The following C6orf132 variants were observed in gnomAD, a reference collection of about 807,000 sequenced individuals.
C6orf132 encodes uncharacterized protein C6orf132.
A neutral mutation model predicts 65.3 loss-of-function variants in C6orf132; 43 were observed. The observed-to-expected ratio is 0.66, with a 90% confidence interval of 0.52 to 0.85. The LOEUF is 0.85. Ranked by LOEUF, C6orf132 falls within the 40% of genes least tolerant of loss-of-function variation. C6orf132 has a pLI of 0.00. For synonymous variants in C6orf132, 631 were observed against 654.1 expected, an observed-to-expected ratio of 0.96 and a Z score of 0.54; for missense variants, 1,488 against 1,548.8, an observed-to-expected ratio of 0.96 and a Z score of 0.66.
intron 3 of C6orf132, among the ~76,000 whole-genome samples, chr6:42,108,598 T>C (rs1013359752): frequency 1.3e-5 from 2 of 152,148 alleles, no homozygotes; most frequent in African/African-American, 4.8e-5. Flanking sequence ...AACCCAGCTG[T>C]CCACTTCATA....
At chr6:42,123,528 G>A (rs1298152716) in intron 2 of C6orf132, among the ~76,000 whole-genome samples, 1 of 151,438 alleles carries the variant, frequency 6.6e-6, no homozygotes, top group Non-Finnish European at 1.5e-5. Context: ...GGGAGGTGGA[G>A]GAGGAGGAGG....
Position 42,103,483 on chromosome 6 carries a change from C to T in C6orf132, c.*278G>A. 1 of 390,440 alleles carries T rather than the reference C, an allele frequency of 2.6e-6. No individual in the cohort carries two copies. Among genetic ancestry groups the T allele is most frequent in the Non-Finnish European group, 4.5e-6 (1 of 221,686 alleles). The allele number at this position is 390,440 out of a possible 1,614,324, so 24.2% of individuals were successfully genotyped here. A position where few individuals can be genotyped will look rare whatever the true frequency, so the allele number is the denominator to read the frequency against. On this transcript the variant is annotated 3_prime_UTR_variant, in exon 5 of 5. Coordinates refer to ENST00000341865, the MANE Select transcript of C6orf132 (RefSeq NM_001164446.3). ...AGTACCAGAGAGCAGAAACTCAGCG[C>T]CCAGGTCCTTAATGGTTCCTTCTCT...
chr6:42,129,551 A>G (rs1582282327), intron 1 of C6orf132, among the ~76,000 whole-genome samples: 1 of 152,222 alleles, frequency 6.6e-6, no homozygotes, highest in African/African-American at 2.4e-5. Context: ...CCCTGTAGGA[A>G]GATGATATGA....
At chr6:42,140,013 C>T (rs1276603201) in intron 1 of C6orf132, among the ~76,000 whole-genome samples, 5 of 152,186 alleles carry the variant, frequency 3.3e-5, no homozygotes, top group Admixed American at 2.6e-4. Context: ...CAACACTGGT[C>T]CCTCCTCTCC....
rs1187939435 is a variant in C6orf132 at position 42,107,229 on chromosome 6, G to A, written c.683C>T (p.Pro228Leu). Residue 228 changes from proline to leucine, a missense_variant, in exon 4 of 5, where the codon CCG (proline) becomes CTG (leucine). Pro to Leu is a moderately conservative substitution (Grantham distance 98, BLOSUM62 -3). Coordinates refer to ENST00000341865, the MANE Select transcript of C6orf132 (RefSeq NM_001164446.3). ...APPLAFLAPP[P>L]PPVPAPAPPA... ...GGGTGCTGGGGCTGGCACAGGAGGCGGTGGGGGGGCTAGAAAGGCCAAGGG... is the reference window on the plus strand; with the variant it reads ...GGGTGCTGGGGCTGGCACAGGAGGCAGTGGGGGGGCTAGAAAGGCCAAGGG... 2.7e-5 allele frequency: 38 copies of A among 1,403,286 alleles called. No individual in the cohort carries two copies. The highest frequency in any genetic ancestry group is 1.9e-4 in the Middle Eastern group (1 of 5,216). The allele number at this position is 1,403,286 out of a possible 1,614,324, so 86.9% of individuals were successfully genotyped here. A position where few individuals can be genotyped will look rare whatever the true frequency, so the allele number is the denominator to read the frequency against.
Position 42,142,581 on chromosome 6 carries a change from G to A in C6orf132, c.-137C>T. The A allele has an allele frequency of 3.6e-6, 3 of 822,624 alleles. No homozygotes were observed. The highest frequency in any genetic ancestry group is 5.1e-6 in the Non-Finnish European group (3 of 589,312). 51.0% of individuals were successfully genotyped at this position (822,624 alleles called of 1,614,324 possible). ...CCGCCGTCCTCCCCGCCCGCGCACC[G>A]GGCAACAGGTGCTGCGGGCGCCGCC... On this transcript the variant is annotated 5_prime_UTR_variant, in exon 1 of 5. Coordinates refer to ENST00000341865, the MANE Select transcript of C6orf132 (RefSeq NM_001164446.3).
At chr6:42,134,604 T>C (rs1766909235) in intron 1 of C6orf132, among the ~76,000 whole-genome samples, 1 of 151,892 alleles carries the variant, frequency 6.6e-6, no homozygotes, top group African/African-American at 2.4e-5. Context: ...TGAAACCCCG[T>C]CTCCACTAAA....
rs570565896 is a variant in C6orf132, at chr6:42,110,307, A to G, written c.253-16T>C. On this transcript the variant is annotated splice_polypyrimidine_tract_variant and intron_variant, in intron 2 of 4. Transcript: ENST00000341865. ...CCTGGGCATTCTGAAAGAGACCAGA[A>G]AGAAATCAGGGGACAGGGAAAGATG... is the stretch of plus-strand genomic sequence containing the variant. 50 of 1,539,112 alleles carry G rather than the reference A, an allele frequency of 3.2e-5. No homozygotes were observed. The highest frequency in any genetic ancestry group is 4.2e-5 in the Non-Finnish European group (48 of 1,140,708).
chr6:42,130,577 G>A (rs1766835850), intron 1 of C6orf132, among the ~76,000 whole-genome samples: 1 of 152,202 alleles, frequency 6.6e-6, no homozygotes, highest in African/African-American at 2.4e-5. Context: ...TCCTAGGCAA[G>A]GCCCTAATCA....
At chr6:42,126,397 GT>G (rs112193945) in intron 2 of C6orf132, 43,326 of 142,850 alleles carry the variant, frequency 0.3, 6,315 homozygotes, top group Middle Eastern at 0.42. Context: ...TATTTTATTT[GT>G]TTTTTTTTTT....
chr6:42,122,601 G>A (rs1312743802), intron 2 of C6orf132, among the ~76,000 whole-genome samples: 4 of 152,180 alleles, frequency 2.6e-5, no homozygotes, highest in African/African-American at 9.7e-5. Flanking sequence ...TCAACCCTTT[G>A]GCCTAACATC....
At position 42,123,544 on chromosome 6, in the gene C6orf132, GAGAGGA is replaced by G. The variant is rs562178587; in HGVS notation, c.252+5122_252+5127del. Among the ~76,000 whole-genome samples, 558 of 151,490 alleles carry G rather than the reference GAGAGGA, an allele frequency of 3.7e-3. 3 individuals are homozygous for G. The highest frequency in any genetic ancestry group is 5.7e-3 in the Non-Finnish European group (385 of 67,826). ...GGAGGTGGAGGAGGAGGAGGAGAAG[GAGAGGA>G]AGAGGAAGAGAAGAAGAAGAAGAAG... On this transcript the variant is annotated intron_variant, in intron 2 of 4. Transcript: ENST00000341865.
rs930347614 is a variant in C6orf132 at position 42,124,056 on chromosome 6, A to G, written c.252+4616T>C. ...GTTAGGAAGTCATTTTAACACAGAAAGTCGTGGCTGGGGAGACCCTTGAGG... is the reference window on the plus strand; with the variant it reads ...GTTAGGAAGTCATTTTAACACAGAAGGTCGTGGCTGGGGAGACCCTTGAGG... On this transcript the variant is annotated intron_variant, in intron 2 of 4. Transcript: ENST00000341865. This position sits in a 1 kb window ranked among gnomAD's most constrained non-coding sequence, Gnocchi z 4.0. Among the ~76,000 whole-genome samples, 4 of 152,154 alleles carry G rather than the reference A, an allele frequency of 2.6e-5. No individual in the cohort carries two copies. The highest frequency in any genetic ancestry group is 9.7e-5 in the African/African-American group (4 of 41,448).
chr6:42,103,861 GT>G lies in C6orf132; in HGVS notation c.3466del (p.Thr1156ProfsTer12). On this transcript the variant is annotated frameshift_variant, in exon 5 of 5. Coordinates refer to ENST00000341865, the MANE Select transcript of C6orf132 (RefSeq NM_001164446.3). LOFTEE classifies it high-confidence loss of function. ...PAAGRSPYTT[T>X]RYGSPINTFT... The stretch of plus-strand genomic sequence containing the variant: ...CGTGTTGATGGGGCTTCCATAGCGG[GT>G]GGTGGTGTAGGGAGACCTGGGGGAG... The G allele has an allele frequency of 1.3e-6, 2 of 1,483,006 alleles. No individual in the cohort carries two copies. The highest frequency in any genetic ancestry group is 1.8e-6 in the Non-Finnish European group (2 of 1,119,652). The allele number at this position is 1,483,006 out of a possible 1,614,324, so 91.9% of individuals were successfully genotyped here.
chr6:42,133,299 A>G (rs566941790), intron 1 of C6orf132, among the ~76,000 whole-genome samples: 1 of 152,340 alleles, frequency 6.6e-6, no homozygotes. Flanking sequence ...TCGGAACAAG[A>G]CTGCAGTGAG....
intron 1 of C6orf132, among the ~76,000 whole-genome samples, chr6:42,141,540 A>T (rs1308985462): frequency 1.3e-5 from 2 of 152,234 alleles, no homozygotes; most frequent in African/African-American, 4.8e-5. Flanking sequence ...GTGCTTTTAG[A>T]GGCCTGCAGA....
In C6orf132 at chr6:42,103,823, G is replaced by A. The variant is rs1278731575; in HGVS notation, c.3505C>T (p.Pro1169Ser). The A allele has an allele frequency of 1.1e-5, 17 of 1,491,856 alleles. No homozygotes were observed. The highest frequency in any genetic ancestry group is 1.5e-5 in the Non-Finnish European group (17 of 1,123,436). 92.4% of individuals were successfully genotyped at this position (1,491,856 alleles called of 1,614,324 possible). ...GSPINTFTVR[P>S]GTRHPISYVC... is the part of the protein sequence containing the mutation. ...TAGGAGATGGGATGGCGGGTCCCAG[G>A]CCTCACGGTGAACGTGTTGATGGGG... The change falls in exon 5 of 5, where the codon CCT becomes TCT. Residue 1169 changes from proline to serine, a missense_variant. Physicochemically the swap from Pro to Ser is moderately conservative, Grantham distance 74. Transcript: ENST00000341865.
chr6:42,130,842 C>T (rs1766841050), intron 1 of C6orf132, among the ~76,000 whole-genome samples: 1 of 151,420 alleles, frequency 6.6e-6, no homozygotes, highest in Non-Finnish European at 1.5e-5. Flanking sequence ...CTATGTTGCC[C>T]AGGCTGTCCT....
At position 42,106,573 on chromosome 6, in the gene C6orf132, G is replaced by T. The variant is rs961300797; in HGVS notation, c.1339C>A (p.Pro447Thr). 16 of 1,534,690 alleles carry T rather than the reference G, an allele frequency of 1.0e-5. No homozygotes were observed. The highest frequency in any genetic ancestry group is 1.4e-5 in the Non-Finnish European group (16 of 1,145,312). ...SSPALKPKPN[P>T]PSPENTASSA... is the part of the protein sequence containing the mutation. ...GACGCTGTGTTCTCTGGGCTGGGGG[G>T]GTTGGGTTTGGGTTTGAGAGCAGGA... Residue 447 changes from proline (P) to threonine (T), a missense_variant, in exon 4 of 5, where the codon CCC (proline) becomes ACC (threonine). Physicochemically the swap from Pro to Thr is conservative, Grantham distance 38. Coordinates refer to ENST00000341865, the MANE Select transcript of C6orf132 (RefSeq NM_001164446.3).
Sources: allele counts gnomAD v4.1 joint callset (sites outside exome capture counted in the v4.1 genomes callset), GRCh38; gene constraint gnomAD v4.1.1; non-coding constraint Gnocchi (gnomAD v3.1); transcripts MANE v1.5; gene names NCBI Gene and HGNC (gene_info 2026-07-23, HGNC 2026-07-21).